PHLPP1: variants seen among roughly 807,000 people sequenced by gnomAD.
PHLPP1 encodes the protein PH domain and leucine rich repeat protein phosphatase 1.
In PHLPP1, 42 loss-of-function variants were observed where a neutral mutation model predicts 117.2. The ratio of observed to expected loss-of-function variants is 0.36; its 90% confidence interval spans 0.28 to 0.46. The LOEUF is 0.46. Among genes scored for constraint, PHLPP1 ranks in the 20% least tolerant of loss-of-function variants. PHLPP1 has a pLI of 1.00. For missense variants in PHLPP1, 2,084 were observed against 2,241.9 expected (o/e 0.93, Z 1.42); for synonymous variants, 1,042 against 970.7 (o/e 1.07, Z -1.37).
chr18:62,756,601 C>T (rs557608249), intron 1 of PHLPP1, among the ~76,000 whole-genome samples: 15 of 152,284 alleles, frequency 9.9e-5, no homozygotes, highest in African/African-American at 3.4e-4. Flanking sequence ...AGGCAGGCTT[C>T]GCTCTTGGCC....
At chr18:62,762,586 G>T (rs909138245) in intron 1 of PHLPP1, among the ~76,000 whole-genome samples, 1 of 151,114 alleles carries the variant, frequency 6.6e-6, no homozygotes, top group African/African-American at 2.4e-5. Context: ...GCTAATTTTT[G>T]CATTTTTAGT....
At chr18:62,858,091 A>G (rs971527175) in intron 3 of PHLPP1, among the ~76,000 whole-genome samples, 4 of 151,972 alleles carry the variant, frequency 2.6e-5, no homozygotes, top group African/African-American at 7.3e-5. Context: ...TCTTTTTCTT[A>G]TTTAATGGTG....
intron 10 of PHLPP1, among the ~76,000 whole-genome samples, chr18:62,922,543 A>G (rs771563029): frequency 2.6e-5 from 4 of 152,184 alleles, no homozygotes; most frequent in Admixed American, 6.6e-5. Context: ...TTCTTCTCCT[A>G]TGGAGAATTA....
intron 4 of PHLPP1, among the ~76,000 whole-genome samples, chr18:62,890,475 A>C (rs558781601): frequency 2.8e-4 from 42 of 152,282 alleles, no homozygotes; most frequent in Admixed American, 4.6e-4. Context: ...CATTTTGGCC[A>C]GGCTGGTCTC....
intron 10 of PHLPP1, among the ~76,000 whole-genome samples, chr18:62,922,014 G>T (rs367742490): frequency 8.5e-5 from 13 of 152,194 alleles, no homozygotes; most frequent in Admixed American, 5.9e-4. Context: ...ATGAGAAAAT[G>T]GGATTGTCAT....
intron 3 of PHLPP1, among the ~76,000 whole-genome samples, chr18:62,844,599 A>T (rs1361211275): frequency 6.6e-6 from 1 of 152,204 alleles, no homozygotes; most frequent in Admixed American, 6.5e-5. Flanking sequence ...CAAACCCCAG[A>T]CATTATTTCG....
At chr18:62,865,461 C>T (rs1289314676) in intron 4 of PHLPP1, among the ~76,000 whole-genome samples, 2 of 152,110 alleles carry the variant, frequency 1.3e-5, no homozygotes, top group Non-Finnish European at 2.9e-5. Context: ...CATGAACTAT[C>T]ATCAATCAGT....
intron 7 of PHLPP1, among the ~76,000 whole-genome samples, chr18:62,904,983 G>A (rs1354943271): frequency 6.6e-6 from 1 of 152,210 alleles, no homozygotes. Flanking sequence ...ACAGTAAATG[G>A]ATAGCAAAGA....
intron 12 of PHLPP1, among the ~76,000 whole-genome samples, chr18:62,949,281 T>C (rs1187343685): frequency 6.6e-6 from 1 of 152,190 alleles, no homozygotes; most frequent in African/African-American, 2.4e-5. Context: ...ATTCATAGCT[T>C]TGTTACCAAA....
intron 1 of PHLPP1, among the ~76,000 whole-genome samples, chr18:62,805,949 C>G (rs2144306123): frequency 1.3e-5 from 2 of 151,610 alleles, no homozygotes; most frequent in East Asian, 1.9e-4. Flanking sequence ...CTAATTCATT[C>G]TCTTCTGCAT....
chr18:62,944,788 T>C (rs980078369), intron 11 of PHLPP1, among the ~76,000 whole-genome samples: 1 of 152,204 alleles, frequency 6.6e-6, no homozygotes, highest in East Asian at 1.9e-4. Context: ...ATTTAAATAG[T>C]GTTTTCATTA....
rs1440495117 is a variant in PHLPP1, at chr18:62,979,417, G to C, written c.5140G>C (p.Asp1714His). The change falls in exon 17 of 17, where the codon GAC (aspartate) becomes CAC (histidine). Residue 1714 changes from aspartate to histidine, a missense_variant. Transcript: ENST00000262719. ...YQLDQLPDYY[D>H]TPL The stretch of plus-strand genomic sequence containing the variant: ...GCTGGACCAGCTGCCAGATTATTAC[G>C]ACACGCCACTATGACCCAGCCGAGC... 1.3e-6 allele frequency: 2 copies of C among 1,551,252 alleles called. No individual in the cohort carries two copies.
At chr18:62,765,581 T>C (rs1385401323) in intron 1 of PHLPP1, among the ~76,000 whole-genome samples, 5 of 152,242 alleles carry the variant, frequency 3.3e-5, no homozygotes, top group Non-Finnish European at 7.3e-5. Flanking sequence ...TGTTTGTTGC[T>C]TCTCAGCATA....
At chr18:62,895,624 C>G (rs117613613) in intron 5 of PHLPP1, among the ~76,000 whole-genome samples, 157 bp from the exon 6 acceptor site, 2,285 of 152,316 alleles carry the variant, frequency 0.015, 52 homozygotes, top group Non-Finnish European at 0.018. Flanking sequence ...GATTATTTCT[C>G]TTTGGTCCAT....
intron 1 of PHLPP1, among the ~76,000 whole-genome samples, chr18:62,749,545 A>T (rs547178880): frequency 6.6e-6 from 1 of 152,330 alleles, no homozygotes; most frequent in African/African-American, 2.4e-5. Flanking sequence ...AACAACAGAA[A>T]TTCGTTTTCT....
rs777430366 is a variant in PHLPP1, at chr18:62,938,566, A to G, written c.2961-3152A>G. Among the ~76,000 whole-genome samples, 3 of 152,258 alleles carry G rather than the reference A, an allele frequency of 2.0e-5. 1 individual carries two copies. The highest frequency in any genetic ancestry group is 4.4e-5 in the Non-Finnish European group (3 of 68,046). On this transcript the variant is annotated intron_variant, in intron 10 of 16. Coordinates refer to ENST00000262719, the MANE Select transcript of PHLPP1 (RefSeq NM_194449.4). ...TAGTCCAATTGTTTGCTCTTTGACT[A>G]TTAACCAGCAAGGTGATTAAGTCAG...
At chr18:62,946,101 T>C (rs565756245) in intron 12 of PHLPP1, among the ~76,000 whole-genome samples, 1 of 152,260 alleles carries the variant, frequency 6.6e-6, no homozygotes, top group Non-Finnish European at 1.5e-5. Context: ...AATAATTTGG[T>C]GGTTACAGAC....
intron 15 of PHLPP1, among the ~76,000 whole-genome samples, chr18:62,974,609 T>C (rs1021509757): frequency 6.6e-5 from 10 of 152,314 alleles, no homozygotes; most frequent in African/African-American, 2.4e-4. Flanking sequence ...AATGGTCTTT[T>C]GTCCGTCTCT....
At chr18:62,819,790 C>T (rs562742346) in intron 1 of PHLPP1, among the ~76,000 whole-genome samples, 38 of 152,222 alleles carry the variant, frequency 2.5e-4, no homozygotes, top group South Asian at 2.1e-3. Flanking sequence ...GGATTACAGG[C>T]GCCTGCCACC....
Sources: gnomAD v4.1 joint callset for allele counts (sites outside exome capture counted in the v4.1 genomes callset) on GRCh38, gnomAD v4.1.1 for gene constraint, MANE v1.5 for transcripts, NCBI Gene and HGNC (gene_info 2026-07-23, HGNC 2026-07-21) for gene names.